BRD8: variants seen among roughly 807,000 people sequenced by gnomAD.
BRD8 encodes bromodomain-containing protein 8.
BRD8 carries 67 observed loss-of-function variants against 143.1 expected under a neutral mutation model. That is an observed-to-expected ratio of 0.47 (90% CI 0.38 to 0.57). BRD8 has a LOEUF of 0.57. Ranked by LOEUF, BRD8 falls within the 20% of genes least tolerant of loss-of-function variation. BRD8 has a pLI of 0.00. For synonymous variants in BRD8, 505 were observed against 517.1 expected (o/e 0.98, Z 0.32); for missense variants, 1,103 against 1,503.0 (o/e 0.73, Z 4.40).
At position 138,163,310 on chromosome 5, in the gene BRD8, A is replaced by C. The variant is rs768422544; in HGVS notation, c.1907T>G (p.Val636Gly). 13 of 1,614,104 alleles carry C rather than the reference A, an allele frequency of 8.1e-6. No homozygotes were observed. The highest frequency in any genetic ancestry group is 1.1e-5 in the Non-Finnish European group (13 of 1,180,002). Reference sequence around the variant, plus strand: ...CTCCTCTAGGCTGGCCGCTTCACTGACACCATCTTCCTCCTCATCCTCACC... The same window carrying C: ...CTCCTCTAGGCTGGCCGCTTCACTGCCACCATCTTCCTCCTCATCCTCACC... ...APGEDEEEDGVSEAASLEEPK... is the reference protein window; with the variant it reads ...APGEDEEEDGGSEAASLEEPK... Residue 636 changes from valine to glycine, a missense_variant, in exon 15 of 27, where the codon GTC becomes GGC. Around this residue, in one of 7 missense-constraint regions of BRD8, gnomAD observed 75 missense variants for 111.7 expected, o/e 0.67. Coordinates refer to ENST00000254900, the MANE Select transcript of BRD8 (RefSeq NM_139199.2).
intron 2 of BRD8, among the ~76,000 whole-genome samples, chr5:138,173,131 C>T (rs181502758): frequency 1.1e-3 from 171 of 152,264 alleles, no homozygotes; most frequent in African/African-American, 4.0e-3. Context: ...GGCGTGGTGA[C>T]TCACGCCTGT....
At chr5:138,144,746 A>C (rs1752067231) in intron 25 of BRD8, among the ~76,000 whole-genome samples, 1 of 152,000 alleles carries the variant, frequency 6.6e-6, no homozygotes, top group South Asian at 2.1e-4. Flanking sequence ...TACAAAAAAT[A>C]CAAATATTAG....
At chr5:138,152,894 A>C in intron 20 of BRD8, 134 bp from the exon 21 acceptor site, 1 of 962,698 alleles carries the variant, frequency 1.0e-6, no homozygotes, top group South Asian at 1.7e-5. Context: ...ATTAGGAAGA[A>C]TTAAAATCTT....
At chr5:138,159,942 G>C in intron 19 of BRD8, 127 bp downstream of exon 19, 1 of 702,628 alleles carries the variant, frequency 1.4e-6, no homozygotes, top group Non-Finnish European at 2.5e-6. Flanking sequence ...ATCATTCTAA[G>C]ATCTATGTGT....
intron 25 of BRD8, among the ~76,000 whole-genome samples, chr5:138,143,904 T>G (rs968924530): frequency 1.3e-5 from 2 of 152,166 alleles, no homozygotes; most frequent in African/African-American, 4.8e-5. Context: ...AATAAGGGAA[T>G]AAAAGCTGGC....
chr5:138,177,985 C>T (rs1341205902), intron 1 of BRD8, among the ~76,000 whole-genome samples: 2 of 152,196 alleles, frequency 1.3e-5, no homozygotes, highest in Non-Finnish European at 2.9e-5. Context: ...TTTAAGAATA[C>T]TGGACTTTAT....
At chr5:138,170,595 AAACT>A in intron 6 of BRD8, 186 bp from the exon 7 acceptor site, 1 of 803,386 alleles carries the variant, frequency 1.2e-6, no homozygotes, top group Admixed American at 1.7e-5. Context: ...TCACCCAGGC[AAACT>A]ATAGCCACTC....
intron 2 of BRD8, among the ~76,000 whole-genome samples, chr5:138,173,544 C>A (rs1210179531): frequency 1.3e-5 from 2 of 148,768 alleles, no homozygotes; most frequent in Non-Finnish European, 3.0e-5. Flanking sequence ...GATGTGTATA[C>A]ACACACACAC....
intron 26 of BRD8, 25 bp downstream of exon 26, chr5:138,140,680 G>A (rs1445635767): frequency 1.2e-6 from 2 of 1,606,844 alleles, no homozygotes; most frequent in Non-Finnish European, 1.7e-6. Flanking sequence ...AGATTCCAGA[G>A]GCTACAGGTA....
At position 138,160,062 on chromosome 5, in the gene BRD8, G is replaced by C; in HGVS notation, c.2532+7C>G. The stretch of plus-strand genomic sequence containing the variant: ...CTGGCACACAGGTTCCTTCCTGATC[G>C]CCTCACCTTCTCTGAAGCATCCTGT... On this transcript the variant is annotated splice_region_variant and intron_variant, in intron 19 of 26. Transcript: ENST00000254900. 1 of 1,608,042 alleles carries C rather than the reference G, an allele frequency of 6.2e-7. No homozygotes were observed. The highest frequency in any genetic ancestry group is 8.5e-7 in the Non-Finnish European group (1 of 1,174,550).
intron 26 of BRD8, 73 bp from the exon 27 acceptor site, chr5:138,140,239 G>A (rs535875927): frequency 6.1e-6 from 7 of 1,150,436 alleles, no homozygotes; most frequent in South Asian, 1.3e-5. Context: ...TTATTTTTTT[G>A]GCAAATAGAC....
chr5:138,161,955 A>G, intron 16 of BRD8, 91 bp from the exon 17 acceptor site: 1 of 1,552,210 alleles, frequency 6.4e-7, no homozygotes, highest in East Asian at 2.2e-5. Flanking sequence ...GTAAGAACTA[A>G]TACCAGCAGT....
At chr5:138,163,780 T>C in intron 14 of BRD8, 2 of 666,322 alleles carry the variant, frequency 3.0e-6, no homozygotes, top group Non-Finnish European at 4.7e-6. Context: ...TCTCTTTGGA[T>C]AGTCTAATTA....
Position 138,149,797 on chromosome 5 carries a change from C to G in BRD8, c.3121G>C (p.Gly1041Arg). 6 of 1,593,260 alleles carry G rather than the reference C, an allele frequency of 3.8e-6. No homozygotes were observed. The highest frequency in any genetic ancestry group is 2.2e-5 in the East Asian group (1 of 44,550). Residue 1041 changes from glycine (G) to arginine (R), a missense_variant and splice_region_variant, in exon 23 of 27, where the codon GGG (glycine) becomes CGG (arginine). By Grantham distance (125) the Gly-to-Arg change is moderately radical (BLOSUM62 -2). Coordinates refer to ENST00000254900, the MANE Select transcript of BRD8 (RefSeq NM_139199.2). ...CCTTTGGATTCTTGCTGAGCCTCCC[C>G]CTAGGAATGCCAGGAAACAGGAAAC... ...VQGLLTESEE[G>R]EAQQESKGED... is the part of the protein sequence containing the mutation.
chr5:138,169,508 T>C (rs2151211248), intron 7 of BRD8, 150 bp from the exon 8 acceptor site: 1 of 813,826 alleles, frequency 1.2e-6, no homozygotes, highest in Non-Finnish European at 1.8e-6. Flanking sequence ...TTAACACTTC[T>C]AGAGATGGAT....
At chr5:138,176,140 T>A (rs1754316125) in intron 2 of BRD8, among the ~76,000 whole-genome samples, 1 of 152,040 alleles carries the variant, frequency 6.6e-6, no homozygotes, top group Non-Finnish European at 1.5e-5. Flanking sequence ...TACAACAGAT[T>A]ATTATTCAGC....
At chr5:138,173,285 C>T (rs1431539773) in intron 2 of BRD8, among the ~76,000 whole-genome samples, 1 of 151,820 alleles carries the variant, frequency 6.6e-6, no homozygotes, top group East Asian at 1.9e-4. Flanking sequence ...TTAATCCCAG[C>T]TACTCGGGAG....
At chr5:138,165,402 T>G (rs1753317336) in intron 11 of BRD8, among the ~76,000 whole-genome samples, 2 of 151,960 alleles carry the variant, frequency 1.3e-5, no homozygotes, top group Non-Finnish European at 2.9e-5. Flanking sequence ...TGGGCAGAAG[T>G]AGGAGAGTTG....
rs1371683907 is a variant in BRD8 at position 138,172,047 on chromosome 5, C to A, written c.186+18G>T. 3 of 1,609,714 alleles carry A rather than the reference C, an allele frequency of 1.9e-6. No homozygotes were observed. The highest frequency in any genetic ancestry group is 2.7e-5 in the African/African-American group (2 of 74,700). ...AACCCAAAGACTGCTCTAAAAGAGCCCTTGCTTGGGAACTTACTTTTTGAG... is the reference window on the plus strand; with the variant it reads ...AACCCAAAGACTGCTCTAAAAGAGCACTTGCTTGGGAACTTACTTTTTGAG... On this transcript the variant is annotated intron_variant, in intron 3 of 26. Transcript: ENST00000254900.
Sources: gnomAD v4.1 joint callset for allele counts (sites outside exome capture counted in the v4.1 genomes callset) on GRCh38, gnomAD v4.1.1 for gene constraint, gnomAD v4.1.1 regional missense constraint, MANE v1.5 for transcripts, NCBI Gene and HGNC (gene_info 2026-07-23, HGNC 2026-07-21) for gene names.